CCSER1: variants seen among roughly 807,000 people sequenced by gnomAD.
The protein encoded by CCSER1 is serine-rich coiled-coil domain-containing protein 1.
A neutral mutation model predicts 82.0 loss-of-function variants in CCSER1; 41 were observed. The observed-to-expected ratio is 0.50, with a 90% confidence interval of 0.39 to 0.65. The LOEUF (loss-of-function observed/expected upper bound fraction) is 0.65, where lower values mean the gene tolerates loss of function less well. Ranked by LOEUF, CCSER1 falls within the 30% of genes least tolerant of loss-of-function variation. The pLI, the probability that CCSER1 is intolerant of heterozygous loss-of-function variation, is 0.00. For synonymous variants in CCSER1, 414 were observed against 383.9 expected (o/e 1.08, Z -0.92); for missense variants, 1,119 against 1,064.2 (o/e 1.05, Z -0.72).
chr4:91,296,483 A>ATCTATATATATATATTTATT (rs1553921462), intron 10 of CCSER1, among the ~76,000 whole-genome samples: 1 of 124,068 alleles, frequency 8.1e-6, no homozygotes, highest in African/African-American at 3.4e-5. Context: ...ATATATATAT[A>ATCTATATATATATATTTATT]TATTTTAATT....
intron 5 of CCSER1, among the ~76,000 whole-genome samples, chr4:90,527,340 GA>G (rs1240193645): frequency 6.6e-6 from 1 of 152,050 alleles, no homozygotes; most frequent in Non-Finnish European, 1.5e-5. Context: ...AAACATGTGA[GA>G]AAAAGCTCAT....
At chr4:90,549,949 A>T (rs1382454297) in intron 5 of CCSER1, among the ~76,000 whole-genome samples, 1 of 152,190 alleles carries the variant, frequency 6.6e-6, no homozygotes, top group Non-Finnish European at 1.5e-5. Flanking sequence ...GAAAGGAAAG[A>T]GTCAAAAAAC....
intron 10 of CCSER1, among the ~76,000 whole-genome samples, chr4:91,379,891 T>A (rs982809670): frequency 2.6e-5 from 4 of 152,234 alleles, no homozygotes; most frequent in African/African-American, 9.6e-5. Context: ...TTAAGTGCTA[T>A]AAATTTCCCT....
At chr4:90,842,962 T>C (rs1156404354) in intron 8 of CCSER1, among the ~76,000 whole-genome samples, 1 of 152,166 alleles carries the variant, frequency 6.6e-6, no homozygotes, top group Non-Finnish European at 1.5e-5. Context: ...AACTATGAAA[T>C]TGCTTTTAGG....
At chr4:90,816,624 T>G (rs959068757) in intron 8 of CCSER1, among the ~76,000 whole-genome samples, 1 of 152,042 alleles carries the variant, frequency 6.6e-6, no homozygotes, top group African/African-American at 2.4e-5. Context: ...TCATCATTCA[T>G]TTTTACACTA....
intron 3 of CCSER1, among the ~76,000 whole-genome samples, chr4:90,326,080 A>C (rs949976789): frequency 1.0e-4 from 12 of 115,184 alleles, no homozygotes; most frequent in Middle Eastern, 6.3e-3. Context: ...TTTTTTTGAG[A>C]CGGAATCTCA....
intron 7 of CCSER1, among the ~76,000 whole-genome samples, chr4:90,764,851 T>G (rs1750961007): frequency 6.6e-6 from 1 of 152,126 alleles, no homozygotes; most frequent in Non-Finnish European, 1.5e-5. Context: ...TCATGCTCTT[T>G]TTACCGCTGG....
At chr4:91,477,331 GAA>G (rs1757650501) in intron 10 of CCSER1, among the ~76,000 whole-genome samples, 4 of 151,818 alleles carry the variant, frequency 2.6e-5, no homozygotes, top group Admixed American at 2.6e-4. Context: ...TTTTCCTTCT[GAA>G]GATACTAAAG....
In CCSER1 at chr4:90,984,672, A is replaced by C. The variant is rs551691269; in HGVS notation, c.2172+61225A>C. Reference sequence around the variant, plus strand: ...GTGTCAAATTAGCACTAAGAGGGGGAAAAATTGAAAGAAATACTAAGCACT... The same window carrying C: ...GTGTCAAATTAGCACTAAGAGGGGGCAAAATTGAAAGAAATACTAAGCACT... On this transcript the variant is annotated intron_variant, in intron 9 of 10. Transcript: ENST00000509176. Among the ~76,000 whole-genome samples, 3 of 151,836 alleles carry C rather than the reference A, an allele frequency of 2.0e-5. No individual in the cohort carries two copies. In the South Asian group the frequency reaches 6.2e-4, roughly 31 times the overall value.
intron 9 of CCSER1, among the ~76,000 whole-genome samples, chr4:91,019,249 A>G (rs970266175): frequency 2.0e-5 from 3 of 151,982 alleles, no homozygotes; most frequent in African/African-American, 7.2e-5. Context: ...ATTAATTTAT[A>G]AAATCAATTT....
chr4:90,154,507 A>G (rs1422461646), intron 1 of CCSER1, among the ~76,000 whole-genome samples: 15 of 151,502 alleles, frequency 9.9e-5, no homozygotes, highest in Non-Finnish European at 2.2e-4. Flanking sequence ...CTTCCTACCC[A>G]TGAGCATGGA....
intron 10 of CCSER1, among the ~76,000 whole-genome samples, chr4:91,161,513 T>C (rs370808074): frequency 6.6e-6 from 1 of 152,332 alleles, no homozygotes; most frequent in African/African-American, 2.4e-5. Context: ...ATTTTCATGA[T>C]ATTGATTCTT....
rs1290953442 is a variant in CCSER1 at position 90,932,903 on chromosome 4, A to AGAAG, written c.2172+9459_2172+9462dup. ...GAAGGAAAGAAAGAAGGAAGGAGAA[A>AGAAG]GAAGGAGAAAGAAAGAAAGAAAGAA... On this transcript the variant is annotated intron_variant, in intron 9 of 10. Transcript: ENST00000509176. Among the ~76,000 whole-genome samples the AGAAG allele has an allele frequency of 2.9e-5, 2 of 68,960 alleles. 1 individual carries two copies. Among genetic ancestry groups the AGAAG allele is most frequent in the East Asian group, 6.3e-4 (2 of 3,174 alleles). The allele number at this position is 68,960 out of a possible 152,430, so 45.2% of individuals were successfully genotyped here.
At chr4:91,153,121 A>T (rs572600294) in intron 10 of CCSER1, among the ~76,000 whole-genome samples, 4 of 152,026 alleles carry the variant, frequency 2.6e-5, no homozygotes, top group Non-Finnish European at 1.5e-5. Flanking sequence ...ACTTGGTTCC[A>T]TTCTCCCCAT....
intron 8 of CCSER1, among the ~76,000 whole-genome samples, chr4:90,843,975 G>A (rs1580741351): frequency 1.3e-5 from 2 of 151,948 alleles, no homozygotes; most frequent in African/African-American, 4.8e-5. Flanking sequence ...TTGAGACTCA[G>A]CCAATCTTTC....
At chr4:91,145,537 A>G (rs1043954932) in intron 10 of CCSER1, among the ~76,000 whole-genome samples, 9 of 151,988 alleles carry the variant, frequency 5.9e-5, no homozygotes, top group African/African-American at 1.9e-4. Context: ...GTGTAGTTAC[A>G]TTTTAGGGTC....
rs553968289 is a variant in CCSER1, at chr4:91,183,782, G to T, written c.2217+97788G>T. ...CTATTCTATTTATTTGAGGCTTATG[G>T]ACTTGCTTTTCAATTGGTTGTAACT... On this transcript the variant is annotated intron_variant, in intron 10 of 10. Coordinates refer to ENST00000509176, the MANE Select transcript of CCSER1 (RefSeq NM_001145065.2). Among the ~76,000 whole-genome samples the T allele has an allele frequency of 3.9e-5, 6 of 152,230 alleles. No individual in the cohort carries two copies. In the South Asian group the frequency reaches 1.2e-3, roughly 32 times the overall value.
intron 6 of CCSER1, among the ~76,000 whole-genome samples, chr4:90,719,695 A>G (rs954011872): frequency 2.6e-5 from 4 of 152,188 alleles, no homozygotes; most frequent in African/African-American, 9.6e-5. Flanking sequence ...GTAGAAGACC[A>G]TAGATGTGAA....
intron 7 of CCSER1, among the ~76,000 whole-genome samples, chr4:90,777,669 T>C (rs1462170034): frequency 6.6e-6 from 1 of 152,152 alleles, no homozygotes; most frequent in Non-Finnish European, 1.5e-5. Context: ...CTATTGTATA[T>C]AGCCAGCAGG....
Sources: gnomAD v4.1 joint callset for allele counts (sites outside exome capture counted in the v4.1 genomes callset) on GRCh38, gnomAD v4.1.1 for gene constraint, MANE v1.5 for transcripts, NCBI Gene and HGNC (gene_info 2026-07-23, HGNC 2026-07-21) for gene names.